Variants in ANKRD18B observed in about 807,000 individuals in gnomAD.
ANKRD18B encodes the protein ankyrin repeat domain-containing protein 18B.
A neutral mutation model predicts 111.8 loss-of-function variants in ANKRD18B; 75 were observed. The ratio of observed to expected loss-of-function variants is 0.67; its 90% CI spans 0.56 to 0.81. The LOEUF is 0.81. ANKRD18B is among the 40% of genes least tolerant of loss of function. The probability of loss-of-function intolerance (pLI) is 0.00; values close to 1 mark genes in which losing one functional copy is unlikely to be tolerated. For missense variants in ANKRD18B, 1,038 were observed against 1,225.5 expected (o/e 0.85, Z 2.28); for synonymous variants, 356 against 417.3 (o/e 0.85, Z 1.79).
At chr9:33,534,290 A>C (rs1396552037) in intron 4 of ANKRD18B, 80 bp from the exon 5 acceptor site, 2 of 1,461,504 alleles carry the variant, frequency 1.4e-6, no homozygotes, top group Middle Eastern at 3.6e-4. Flanking sequence ...CAAGATATGA[A>C]ATTGGTAAAG....
chr9:33,556,254 C>A (rs1355839660), intron 13 of ANKRD18B, among the ~76,000 whole-genome samples: 1 of 152,042 alleles, frequency 6.6e-6, no homozygotes, highest in Admixed American at 6.6e-5. Context: ...AAACATTACA[C>A]CTATTTTCAT....
chr9:33,563,140 T>G (rs1775684856), intron 14 of ANKRD18B, among the ~76,000 whole-genome samples: 1 of 152,220 alleles, frequency 6.6e-6, no homozygotes, highest in African/African-American at 2.4e-5. Flanking sequence ...CATCAATAAA[T>G]TAATCTCAAC....
rs565847576 is a variant in ANKRD18B at position 33,541,330 on chromosome 9, T to C, written c.1078+103T>C. ...GTATAGTTTCCTTGTCACAAATCCA[T>C]GGAGTACATCAGTCTATTACAAGGT... On this transcript the variant is annotated intron_variant, in intron 9 of 18. Transcript: ENST00000684830. 10 of 1,439,290 alleles carry C rather than the reference T, an allele frequency of 6.9e-6. No individual in the cohort carries two copies. In the South Asian group the frequency reaches 1.5e-4, roughly 22 times the overall value. 89.2% of individuals were successfully genotyped at this position (1,439,290 alleles called of 1,614,324 possible).
chr9:33,537,761 G>A (rs956366931), intron 6 of ANKRD18B, among the ~76,000 whole-genome samples: 2 of 152,084 alleles, frequency 1.3e-5, no homozygotes, highest in African/African-American at 2.4e-5. Context: ...ATAACCTACC[G>A]TTGACTGGAA....
downstream of ANKRD18B, among the ~76,000 whole-genome samples, chr9:33,575,124 C>T (rs2147576): frequency 0.74 from 105,768 of 142,882 alleles, 38,877 homozygotes; most frequent in Non-Finnish European, 0.82. Context: ...GAGCACTCAC[C>T]GGGTGCCTGT....
At chr9:33,536,750 G>C (rs1828207045) in intron 5 of ANKRD18B, 128 bp from the exon 6 acceptor site, 1 of 565,174 alleles carries the variant, frequency 1.8e-6, no homozygotes, top group Admixed American at 4.1e-5. Context: ...ATTTTAAAGT[G>C]TATTGGACAT....
At chr9:33,553,587 A>C (rs1342630075) in intron 12 of ANKRD18B, among the ~76,000 whole-genome samples, 1 of 152,184 alleles carries the variant, frequency 6.6e-6, no homozygotes, top group African/African-American at 2.4e-5. Context: ...CACCATTCTG[A>C]GATGAAGAAT....
chr9:33,558,033 C>T, intron 13 of ANKRD18B, 25 bp from the exon 14 acceptor site: 1 of 1,533,648 alleles, frequency 6.5e-7, no homozygotes. Context: ...AAATTCTTGA[C>T]TTACCAGTTC....
intron 1 of ANKRD18B, among the ~76,000 whole-genome samples, chr9:33,528,322 T>G (rs1252337559): frequency 6.6e-6 from 1 of 152,192 alleles, no homozygotes; most frequent in Non-Finnish European, 1.5e-5. Context: ...GTCTAACAGT[T>G]ATTGAGTTGT....
chr9:33,550,668 A>C, intron 12 of ANKRD18B, 89 bp downstream of exon 12: 1 of 1,229,986 alleles, frequency 8.1e-7, no homozygotes, highest in East Asian at 2.9e-5. Context: ...ATTTCAGTGG[A>C]CAGCTTGATT....
intron 1 of ANKRD18B, 63 bp from the exon 2 acceptor site, chr9:33,528,664 T>C (rs1828061648): frequency 9.0e-6 from 12 of 1,337,692 alleles, no homozygotes; most frequent in Non-Finnish European, 1.2e-5. Context: ...TACAATGACA[T>C]GAACCATTGT....
In ANKRD18B at chr9:33,527,867, TA is replaced by T. The variant is rs1054399345; in HGVS notation, c.207-854del. On this transcript the variant is annotated intron_variant, in intron 1 of 18. Coordinates refer to ENST00000684830, the MANE Select transcript of ANKRD18B (RefSeq NM_001393611.1). ...TTTTAAATGCTACCAATTATAGTTA[TA>T]AAAAATTATGAATTGTAAATACCGC... 3.9e-5 allele frequency among the ~76,000 whole-genome samples: 6 copies of T among 152,234 alleles called. No homozygotes were observed. The East Asian group carries it at 7.7e-4, about 20-fold the overall frequency.
Position 33,528,477 on chromosome 9 carries a change from C to T in ANKRD18B, c.207-250C>T, listed in dbSNP as rs527432410. The stretch of plus-strand genomic sequence containing the variant: ...AGGCTAAGCAATAGCTGGTAGGTGA[C>T]CGAGTTCAAAGTAGAACTCAAGCCC... On this transcript the variant is annotated intron_variant, in intron 1 of 18. Transcript: ENST00000684830. Among the ~76,000 whole-genome samples the T allele has an allele frequency of 3.7e-4, 57 of 152,312 alleles. 1 individual carries two copies. The highest frequency in any genetic ancestry group is 1.3e-3 in the African/African-American group (56 of 41,558).
chr9:33,524,693 CAGGT>C lies in ANKRD18B; in HGVS notation c.206+1_206+4del. ...ACTTGGACGTCCGCGACAGAAAAGA[CAGGT>C]AGCGGGGGCTCAGCCCTCGGTGGGA... On this transcript the variant is annotated splice_donor_variant and coding_sequence_variant, in exon 1 of 19. Coordinates refer to ENST00000684830, the MANE Select transcript of ANKRD18B (RefSeq NM_001393611.1). LOFTEE classifies it high-confidence loss of function. The C allele has an allele frequency of 1.9e-6, 3 of 1,549,522 alleles. No individual in the cohort carries two copies. The highest frequency in any genetic ancestry group is 2.6e-6 in the Non-Finnish European group (3 of 1,146,322).
chr9:33,550,478 T>A lies in ANKRD18B; in HGVS notation c.2116T>A (p.Phe706Ile), dbSNP rs572739753. The A allele has an allele frequency of 1.3e-6, 2 of 1,547,786 alleles. No individual in the cohort carries two copies. The highest frequency in any genetic ancestry group is 1.7e-6 in the Non-Finnish European group (2 of 1,145,362). The change falls in exon 12 of 19, where the codon TTT (phenylalanine) becomes ATT (isoleucine). Residue 706 changes from phenylalanine (F) to isoleucine (I), a missense_variant. Transcript: ENST00000684830. ...QEELVDHLKK[F>I]SMSESPLEGT... ...AGAACTGGTCGATCATCTTAAAAAA[T>A]TTTCAATGTCAGAGTCTCCACTGGA...
At chr9:33,568,947 G>A (rs879538289) in intron 17 of ANKRD18B, 54 bp downstream of exon 17, 2 of 1,423,910 alleles carry the variant, frequency 1.4e-6, no homozygotes, top group Admixed American at 5.5e-5. Context: ...TATAATTCTT[G>A]TTTATAATTT....
chr9:33,538,761 G>C (rs1444117547), intron 6 of ANKRD18B, among the ~76,000 whole-genome samples: 1 of 151,812 alleles, frequency 6.6e-6, no homozygotes, highest in East Asian at 1.9e-4. Context: ...GTTACCATTA[G>C]GCAAGAGATA....
intron 15 of ANKRD18B, 105 bp from the exon 16 acceptor site, chr9:33,566,998 T>A: frequency 9.1e-7 from 1 of 1,101,534 alleles, no homozygotes; most frequent in Non-Finnish European, 1.3e-6. Flanking sequence ...CTTTTTAACA[T>A]ATTCAAAATT....
intron 6 of ANKRD18B, among the ~76,000 whole-genome samples, chr9:33,538,965 G>C (rs2118017829): frequency 6.6e-6 from 1 of 152,282 alleles, no homozygotes; most frequent in East Asian, 1.9e-4. Context: ...AGGAGACAAA[G>C]ATGGAATTGA....
Sources: gnomAD v4.1 joint callset for allele counts (sites outside exome capture counted in the v4.1 genomes callset) on GRCh38, gnomAD v4.1.1 for gene constraint, MANE v1.5 for transcripts, NCBI Gene and HGNC (gene_info 2026-07-23, HGNC 2026-07-21) for gene names.